Variants in PDE11A observed in about 807,000 individuals in gnomAD.
The protein encoded by PDE11A is phosphodiesterase 11A, also known as dual 3',5'-cyclic-AMP and -GMP phosphodiesterase 11A.
A neutral mutation model predicts 100.5 loss-of-function variants in PDE11A; 100 were observed. The observed-to-expected ratio is 1.00, with a 90% CI of 0.85 to 1.18. The LOEUF is 1.18. PDE11A is among the 50% of genes most tolerant of loss of function. The pLI is 0.00. For synonymous variants in PDE11A, 381 were observed against 420.8 expected (o/e 0.91, Z 1.16); for missense variants, 1,141 against 1,152.6 (o/e 0.99, Z 0.15).
chr2:177,840,150 A>G, intron 6 of PDE11A, 101 bp downstream of exon 6: 2 of 1,204,114 alleles, frequency 1.7e-6, no homozygotes, highest in Non-Finnish European at 2.4e-6. Context: ...CAGGGGAAGG[A>G]TGCAAAAGAA....
At chr2:177,832,014 C>T (rs13007187) in intron 6 of PDE11A, among the ~76,000 whole-genome samples, 1 of 151,760 alleles carries the variant, frequency 6.6e-6, no homozygotes, top group Non-Finnish European at 1.5e-5. Flanking sequence ...CAGGAGAGGC[C>T]CCCCCTGACC....
intron 9 of PDE11A, among the ~76,000 whole-genome samples, chr2:177,790,340 A>C (rs1050489313): frequency 1.3e-5 from 2 of 151,978 alleles, no homozygotes; most frequent in Admixed American, 6.6e-5. Context: ...AGACATATGT[A>C]GAAAGCTGAA....
intron 18 of PDE11A, among the ~76,000 whole-genome samples, chr2:177,664,201 G>C (rs1022701261): frequency 2.0e-5 from 3 of 152,116 alleles, no homozygotes; most frequent in African/African-American, 4.8e-5. Flanking sequence ...GCAAAAACCT[G>C]TCTTCAAATA....
intron 1 of PDE11A, among the ~76,000 whole-genome samples, chr2:178,027,793 G>A (rs2086496234): frequency 6.6e-6 from 1 of 152,080 alleles, no homozygotes; most frequent in Non-Finnish European, 1.5e-5. Context: ...TATGTGAAAT[G>A]GATGGATTTT....
At chr2:178,015,819 T>A (rs2086328581) in intron 1 of PDE11A, among the ~76,000 whole-genome samples, 1 of 152,126 alleles carries the variant, frequency 6.6e-6, no homozygotes, top group African/African-American at 2.4e-5. Flanking sequence ...GATTGGCTCC[T>A]GAGTAACTGT....
At chr2:178,039,615 C>T (rs1247289285) in intron 1 of PDE11A, among the ~76,000 whole-genome samples, 1 of 150,636 alleles carries the variant, frequency 6.6e-6, no homozygotes, top group Admixed American at 6.6e-5. Flanking sequence ...TCCAGGAGAC[C>T]TATACAAAAT....
At chr2:177,949,628 T>A (rs1411981870) in intron 2 of PDE11A, among the ~76,000 whole-genome samples, 1 of 152,202 alleles carries the variant, frequency 6.6e-6, no homozygotes, top group Admixed American at 6.5e-5. Flanking sequence ...ATAAAACATG[T>A]GATGTGCATA....
intron 2 of PDE11A, among the ~76,000 whole-genome samples, chr2:178,093,191 G>A (rs1259986913): frequency 6.6e-6 from 1 of 152,136 alleles, no homozygotes; most frequent in African/African-American, 2.4e-5. Flanking sequence ...ACTGTTTAGG[G>A]TCTTCTATGG....
Position 177,655,084 on chromosome 2 carries a change from GA to G in PDE11A, c.2646+8781del, listed in dbSNP as rs1253469557. Among the ~76,000 whole-genome samples, 8 of 152,056 alleles carry G rather than the reference GA, an allele frequency of 5.3e-5. No homozygotes were observed. The East Asian group carries it at 1.5e-3, about 29-fold the overall frequency. ...GGTCAGCTGGATAAGAAGAATTTAA[GA>G]TAAGAATTAAGATCTTATCTTAAAT... is the stretch of plus-strand genomic sequence containing the variant. On this transcript the variant is annotated intron_variant, in intron 19 of 19. Transcript: ENST00000286063.
intron 18 of PDE11A, among the ~76,000 whole-genome samples, chr2:177,668,403 AT>A (rs964338718): frequency 3.3e-5 from 5 of 152,244 alleles, no homozygotes; most frequent in African/African-American, 1.2e-4. Flanking sequence ...CCAAGCTAAT[AT>A]TTTTATTTTT....
At chr2:177,847,307 T>C (rs542014968) in intron 5 of PDE11A, among the ~76,000 whole-genome samples, 9 of 152,202 alleles carry the variant, frequency 5.9e-5, no homozygotes, top group African/African-American at 1.9e-4. Flanking sequence ...TTTTGATAAG[T>C]TTTTGGAAGT....
At chr2:177,826,714 C>T (rs148629693) in intron 6 of PDE11A, among the ~76,000 whole-genome samples, 400 of 152,322 alleles carry the variant, frequency 2.6e-3, no homozygotes, top group African/African-American at 8.9e-3. Context: ...GTTTTCACTA[C>T]CCACTGCTTC....
intron 5 of PDE11A, among the ~76,000 whole-genome samples, chr2:177,852,383 C>A (rs1374560794): frequency 2.9e-5 from 3 of 102,312 alleles, no homozygotes; most frequent in African/African-American, 8.1e-5. Flanking sequence ...CTTTGCAAAC[C>A]AAATATTGAT....
intron 4 of PDE11A, among the ~76,000 whole-genome samples, chr2:177,880,335 C>T (rs746325026): frequency 3.3e-5 from 5 of 152,096 alleles, no homozygotes; most frequent in African/African-American, 7.2e-5. Flanking sequence ...AGAGGTCAGC[C>T]GCATGGGCAG....
intron 2 of PDE11A, among the ~76,000 whole-genome samples, chr2:177,935,661 G>A (rs947260550): frequency 2.0e-5 from 3 of 152,140 alleles, no homozygotes; most frequent in African/African-American, 7.2e-5. Context: ...TTGGGGGAAG[G>A]AGCAACCAGA....
At chr2:177,716,912 TAA>T (rs2081446154) in intron 12 of PDE11A, among the ~76,000 whole-genome samples, 1 of 152,200 alleles carries the variant, frequency 6.6e-6, no homozygotes, top group Admixed American at 6.5e-5. Flanking sequence ...CATTTTATAA[TAA>T]GATGGAACAT....
chr2:177,906,207 A>C (rs1469256909), intron 2 of PDE11A, among the ~76,000 whole-genome samples: 1 of 151,610 alleles, frequency 6.6e-6, no homozygotes, highest in Admixed American at 6.6e-5. Flanking sequence ...GCACGCACAC[A>C]ATGGTGCCCT....
intron 19 of PDE11A, among the ~76,000 whole-genome samples, chr2:177,662,079 C>A (rs981476968): frequency 2.7e-4 from 41 of 152,206 alleles, no homozygotes; most frequent in Non-Finnish European, 5.1e-4. Flanking sequence ...AATATTACTC[C>A]CTAAATTCTA....
intron 2 of PDE11A, among the ~76,000 whole-genome samples, chr2:178,084,012 T>A (rs1004845463): frequency 1.3e-5 from 2 of 152,190 alleles, no homozygotes; most frequent in African/African-American, 4.8e-5. Flanking sequence ...CGTTCATATA[T>A]ACACAAATAT....
Sources: allele counts gnomAD v4.1 joint callset (sites outside exome capture counted in the v4.1 genomes callset), GRCh38; gene constraint gnomAD v4.1.1; transcripts MANE v1.5; gene names NCBI Gene and HGNC (gene_info 2026-07-23, HGNC 2026-07-21).